Variants in GRM8 observed in about 807,000 individuals in gnomAD.
GRM8 encodes metabotropic glutamate receptor 8.
GRM8 carries 47 observed loss-of-function variants against 87.2 expected under a neutral mutation model. That is an observed-to-expected ratio of 0.54 (90% confidence interval 0.43 to 0.69). The LOEUF is 0.69. GRM8 is among the 30% of genes least tolerant of loss of function. The pLI, the probability that GRM8 is intolerant of heterozygous loss-of-function variation, is 0.00. For synonymous variants in GRM8, 396 were observed against 404.5 expected (o/e 0.98, Z 0.25); for missense variants, 1,019 against 1,139.2 (o/e 0.89, Z 1.52).
At chr7:126,897,011 C>A (rs1801607597) in intron 6 of GRM8, among the ~76,000 whole-genome samples, 1 of 152,102 alleles carries the variant, frequency 6.6e-6, no homozygotes, top group African/African-American at 2.4e-5. Context: ...AATGTATAAA[C>A]AACTAAATGA....
chr7:126,991,510 G>C (rs1468536967), intron 3 of GRM8, among the ~76,000 whole-genome samples: 1 of 152,076 alleles, frequency 6.6e-6, no homozygotes, highest in African/African-American at 2.4e-5. Context: ...TTATGAAATA[G>C]CTTTTTTATT....
intron 2 of GRM8, among the ~76,000 whole-genome samples, chr7:127,140,867 C>G (rs1308625203): frequency 6.6e-6 from 1 of 152,068 alleles, no homozygotes; most frequent in Non-Finnish European, 1.5e-5. Flanking sequence ...CCATTTATCA[C>G]TCCATGTTGA....
chr7:126,513,617 C>T (rs1171700020), intron 9 of GRM8, among the ~76,000 whole-genome samples: 2 of 152,094 alleles, frequency 1.3e-5, no homozygotes, highest in African/African-American at 4.8e-5. Context: ...TGTCTGTTAT[C>T]ATCATGTTGA....
Position 126,533,080 on chromosome 7 carries a change from T to G in GRM8, c.2302A>C (p.Ile768Leu), listed in dbSNP as rs770272411. ...LLMVTCTVYA[I>L]KTRGVPETFN... The stretch of plus-strand genomic sequence containing the variant: ...GTCTCTGGGACACCTCTCGTTTTAA[T>G]GGCATAAACAGTACAAGTGACCATC... Residue 768 changes from isoleucine to leucine, a missense_variant, in exon 9 of 11, where the codon ATT becomes CTT. Ile to Leu is a conservative substitution (Grantham distance 5). Transcript: ENST00000339582. 1 of 1,613,522 alleles carries G rather than the reference T, an allele frequency of 6.2e-7. No individual in the cohort carries two copies. The highest frequency in any genetic ancestry group is 1.7e-5 in the Admixed American group (1 of 59,918).
At chr7:126,764,898 C>A (rs2151589404) in intron 7 of GRM8, among the ~76,000 whole-genome samples, 1 of 152,150 alleles carries the variant, frequency 6.6e-6, no homozygotes, top group Non-Finnish European at 1.5e-5. Flanking sequence ...GATTCAGATA[C>A]CTAGACATCA....
chr7:127,151,365 A>G (rs1454610709), intron 2 of GRM8, among the ~76,000 whole-genome samples: 1 of 151,994 alleles, frequency 6.6e-6, no homozygotes, highest in Non-Finnish European at 1.5e-5. Context: ...CACTAGCAAA[A>G]AGCAACTTAT....
chr7:126,948,774 T>G (rs1283717107), intron 3 of GRM8, among the ~76,000 whole-genome samples: 1 of 152,152 alleles, frequency 6.6e-6, no homozygotes, highest in Non-Finnish European at 1.5e-5. Flanking sequence ...CTCGGGATTC[T>G]CAGATGGGCC....
chr7:126,587,499 A>G (rs1303233245), intron 8 of GRM8, among the ~76,000 whole-genome samples: 1 of 152,180 alleles, frequency 6.6e-6, no homozygotes, highest in Non-Finnish European at 1.5e-5. Context: ...ATGCAGCCAT[A>G]AAAAAGGATG....
intron 8 of GRM8, among the ~76,000 whole-genome samples, chr7:126,544,778 G>T (rs1179082715): frequency 6.6e-6 from 1 of 152,078 alleles, no homozygotes; most frequent in Non-Finnish European, 1.5e-5. Context: ...AAAGTGCTGG[G>T]ATTACAGACA....
intron 3 of GRM8, among the ~76,000 whole-genome samples, chr7:127,002,626 T>G (rs1813844033): frequency 3.3e-5 from 5 of 151,604 alleles, no homozygotes; most frequent in Admixed American, 3.3e-4. Flanking sequence ...TAATAAGATT[T>G]TGTGCATTTT....
Position 126,438,770 on chromosome 7 carries a change from A to T in GRM8, c.*349T>A, listed in dbSNP as rs1232218564. On this transcript the variant is annotated 3_prime_UTR_variant, in exon 11 of 11. Coordinates refer to ENST00000339582, the MANE Select transcript of GRM8 (RefSeq NM_000845.3). ...TTAAACAATGTGGGACAGGAACGGGAGTTCTCACAATCACAGAAAAATACA... is the reference window on the plus strand; with the variant it reads ...TTAAACAATGTGGGACAGGAACGGGTGTTCTCACAATCACAGAAAAATACA... 1 of 223,014 alleles carries T rather than the reference A, an allele frequency of 4.5e-6. No homozygotes were observed. Among genetic ancestry groups the T allele is most frequent in the Non-Finnish European group, 8.9e-6 (1 of 112,134 alleles). 13.8% of individuals were successfully genotyped at this position (223,014 alleles called of 1,614,324 possible).
intron 3 of GRM8, among the ~76,000 whole-genome samples, chr7:126,988,877 A>G (rs1007020284): frequency 5.3e-5 from 8 of 152,354 alleles, no homozygotes; most frequent in East Asian, 1.9e-4. Context: ...CAGTAGGTCC[A>G]TAAAGTGAGA....
At chr7:127,168,295 A>G (rs1793576487) in intron 2 of GRM8, among the ~76,000 whole-genome samples, 1 of 152,190 alleles carries the variant, frequency 6.6e-6, no homozygotes, top group Non-Finnish European at 1.5e-5. Flanking sequence ...GCAAATCAAA[A>G]CCACAATGAG....
chr7:126,540,182 T>C (rs183840770), intron 8 of GRM8, among the ~76,000 whole-genome samples: 71 of 152,214 alleles, frequency 4.7e-4, no homozygotes, highest in African/African-American at 1.6e-3. Context: ...ATATACAAAT[T>C]GTCAATAGTG....
At chr7:127,125,107 C>A (rs1213540916) in intron 2 of GRM8, among the ~76,000 whole-genome samples, 1 of 152,082 alleles carries the variant, frequency 6.6e-6, no homozygotes, top group Non-Finnish European at 1.5e-5. Flanking sequence ...ACAAGACTGT[C>A]CATTTCACTG....
chr7:127,188,370 C>T (rs939204725), intron 2 of GRM8, among the ~76,000 whole-genome samples: 2 of 152,174 alleles, frequency 1.3e-5, no homozygotes, highest in Non-Finnish European at 1.5e-5. Context: ...AAGATCTTAG[C>T]TTTGCTGCAG....
chr7:126,724,371 T>G (rs967040085), intron 7 of GRM8, among the ~76,000 whole-genome samples: 1 of 152,058 alleles, frequency 6.6e-6, no homozygotes, highest in Non-Finnish European at 1.5e-5. Context: ...TTCCCTCAAT[T>G]GACTAGTGAG....
chr7:126,915,326 A>T (rs1041942869), intron 3 of GRM8, among the ~76,000 whole-genome samples: 2 of 152,204 alleles, frequency 1.3e-5, no homozygotes, highest in Non-Finnish European at 2.9e-5. Context: ...CACTCAACAC[A>T]TTACGTTTTC....
chr7:126,832,932 G>A (rs1274643329), intron 6 of GRM8, among the ~76,000 whole-genome samples: 2 of 152,188 alleles, frequency 1.3e-5, no homozygotes, highest in Admixed American at 6.5e-5. Flanking sequence ...GACAGTTCAT[G>A]AATTTTGCGG....
Sources: gnomAD v4.1 joint callset for allele counts (sites outside exome capture counted in the v4.1 genomes callset) on GRCh38, gnomAD v4.1.1 for gene constraint, MANE v1.5 for transcripts, NCBI Gene and HGNC (gene_info 2026-07-23, HGNC 2026-07-21) for gene names.